The following SAXO1 variants were observed in gnomAD, a reference collection of about 807,000 sequenced individuals.
SAXO1 encodes the protein stabilizer of axonemal microtubules 1, also known as 4930500O09Rik.
A neutral mutation model predicts 17.5 loss-of-function variants in SAXO1; 21 were observed. The ratio of observed to expected loss-of-function variants is 1.20; its 90% CI spans 0.85 to 1.72. SAXO1 has a LOEUF of 1.72. Among genes scored for constraint, SAXO1 ranks in the 40% most tolerant of loss-of-function variants. SAXO1 has a pLI of 0.00. For synonymous variants in SAXO1, 274 were observed against 216.5 expected, an observed-to-expected ratio of 1.27 and a Z score of -2.33; for missense variants, 843 against 596.0, an observed-to-expected ratio of 1.41 and a Z score of -4.32.
intron 1 of SAXO1, among the ~76,000 whole-genome samples, chr9:19,042,158 C>G (rs1836094068): frequency 6.6e-6 from 1 of 152,054 alleles, no homozygotes; most frequent in Non-Finnish European, 1.5e-5. Context: ...TCTCAAAAGA[C>G]AACATACAAA....
At chr9:19,027,836 G>A (rs1835565155) in intron 1 of SAXO1, 2 of 1,448,412 alleles carry the variant, frequency 1.4e-6, no homozygotes, top group African/African-American at 2.8e-5. Context: ...CACAAACCGG[G>A]TGGACATCCT....
At chr9:18,957,360 C>T (rs941110526) in intron 1 of SAXO1, among the ~76,000 whole-genome samples, 1 of 152,136 alleles carries the variant, frequency 6.6e-6, no homozygotes, top group Non-Finnish European at 1.5e-5. Flanking sequence ...CCAGCCCTAC[C>T]ACTTCAGTAT....
At chr9:19,042,785 C>T (rs189945386) in intron 1 of SAXO1, among the ~76,000 whole-genome samples, 9 of 152,066 alleles carry the variant, frequency 5.9e-5, no homozygotes, top group Admixed American at 2.6e-4. Context: ...TCGCTTGAAC[C>T]GGGGAGGCGG....
intron 1 of SAXO1, among the ~76,000 whole-genome samples, chr9:19,032,057 A>C (rs1261660728): frequency 6.6e-6 from 1 of 152,188 alleles, no homozygotes; most frequent in African/African-American, 2.4e-5. Context: ...GTTGGTACAG[A>C]TGAGGCGACT....
In SAXO1 at chr9:18,950,817, G is replaced by T; in HGVS notation, c.159C>A (p.Phe53Leu). ...CTTTCTGGTACTCCCGCCTTGGCTT[G>T]AAGGACTCTCTGGGCAGGTAGGAGT... The part of the protein sequence containing the change: ...FYHSYLPRES[F>L]KPRREYQKGP... Residue 53 changes from phenylalanine (F) to leucine (L), a missense_variant, in exon 2 of 4, where the codon TTC (phenylalanine) becomes TTA (leucine). Phe to Leu is a conservative substitution (Grantham distance 22). Coordinates refer to ENST00000380534, the MANE Select transcript of SAXO1 (RefSeq NM_153707.4). 3 of 1,613,778 alleles carry T rather than the reference G, an allele frequency of 1.9e-6. No individual in the cohort carries two copies. The highest frequency in any genetic ancestry group is 1.7e-6 in the Non-Finnish European group (2 of 1,179,760).
At chr9:18,986,302 T>C (rs1378763826) in intron 1 of SAXO1, among the ~76,000 whole-genome samples, 1 of 152,260 alleles carries the variant, frequency 6.6e-6, no homozygotes, top group African/African-American at 2.4e-5. Flanking sequence ...TTCCTAATAA[T>C]GTCAAAATGT....
At chr9:19,045,107 G>A (rs936593633) in intron 1 of SAXO1, among the ~76,000 whole-genome samples, 2 of 150,346 alleles carry the variant, frequency 1.3e-5, no homozygotes, top group African/African-American at 2.5e-5. Context: ...TCAGGAGATC[G>A]AGACCATCCT....
chr9:19,036,241 A>C (rs2131063763), upstream of SAXO1, among the ~76,000 whole-genome samples: 1 of 141,680 alleles, frequency 7.1e-6, no homozygotes, highest in East Asian at 2.0e-4. Context: ...GTACCCCAGA[A>C]CTTAAAGTAT....
intron 3 of SAXO1, among the ~76,000 whole-genome samples, chr9:18,935,466 A>G (rs1020522350): frequency 1.4e-4 from 22 of 152,186 alleles, no homozygotes; most frequent in African/African-American, 5.1e-4. Flanking sequence ...AAGTTGATAG[A>G]TGGGCTCCTC....
intron 1 of SAXO1, among the ~76,000 whole-genome samples, chr9:19,029,834 C>T (rs564529380): frequency 3.3e-5 from 5 of 152,266 alleles, no homozygotes; most frequent in Admixed American, 2.6e-4. Flanking sequence ...CTGGACAGTA[C>T]ATCTCTAAAT....
At chr9:19,028,383 AT>A in intron 1 of SAXO1, among the ~76,000 whole-genome samples, 1 of 152,216 alleles carries the variant, frequency 6.6e-6, no homozygotes, top group Non-Finnish European at 1.5e-5. Context: ...CTCAAAAAAA[AT>A]AAAAAATAAA....
chr9:19,001,821 T>C (rs867368433), intron 1 of SAXO1, among the ~76,000 whole-genome samples: 53 of 151,542 alleles, frequency 3.5e-4, no homozygotes, highest in African/African-American at 1.3e-3. Context: ...CACCCTAACA[T>C]CACAATTAAA....
At chr9:18,938,784 A>G (rs7857430) in intron 3 of SAXO1, among the ~76,000 whole-genome samples, 30,710 of 147,164 alleles carry the variant, frequency 0.21, 3,231 homozygotes, top group Non-Finnish European at 0.24. Context: ...TTAAACAAAG[A>G]GTACTGCTGG....
chr9:18,941,499 G>T, intron 3 of SAXO1, 138 bp downstream of exon 3: 1 of 865,430 alleles, frequency 1.2e-6, no homozygotes, highest in Non-Finnish European at 1.8e-6. Flanking sequence ...ACAAAAACAG[G>T]CTGCTGGCCA....
intron 1 of SAXO1, among the ~76,000 whole-genome samples, chr9:18,967,919 C>T (rs1026920106): frequency 3.3e-5 from 5 of 152,166 alleles, no homozygotes; most frequent in African/African-American, 1.2e-4. Context: ...TTGGGAAGAC[C>T]GTTGGAAAAG....
chr9:19,041,505 A>G (rs901241358), intron 1 of SAXO1, among the ~76,000 whole-genome samples: 1 of 152,246 alleles, frequency 6.6e-6, no homozygotes, highest in African/African-American at 2.4e-5. Flanking sequence ...CTGAGCAAAA[A>G]GAACAAAATT....
At chr9:18,938,850 G>A (rs1338160103) in intron 3 of SAXO1, among the ~76,000 whole-genome samples, 1 of 149,558 alleles carries the variant, frequency 6.7e-6, no homozygotes, top group Non-Finnish European at 1.5e-5. Context: ...GTGTGTGTGT[G>A]TGTATGTGTG....
At chr9:19,009,430 G>A (rs1834628078) in intron 1 of SAXO1, among the ~76,000 whole-genome samples, 2 of 152,260 alleles carry the variant, frequency 1.3e-5, no homozygotes, top group South Asian at 4.1e-4. Context: ...AATACCCGGA[G>A]ATATAGCCAT....
At chr9:18,963,621 G>A (rs1006723015) in intron 1 of SAXO1, among the ~76,000 whole-genome samples, 1 of 152,306 alleles carries the variant, frequency 6.6e-6, no homozygotes, top group East Asian at 1.9e-4. Context: ...AGAAATGCTT[G>A]TGGGTTTTGC....
Sources: allele counts gnomAD v4.1 joint callset (sites outside exome capture counted in the v4.1 genomes callset), GRCh38; gene constraint gnomAD v4.1.1; transcripts MANE v1.5; gene names NCBI Gene and HGNC (gene_info 2026-07-23, HGNC 2026-07-21).